KCNT2: variants seen among roughly 807,000 people sequenced by gnomAD.
The protein encoded by KCNT2 is potassium sodium-activated channel subfamily T member 2.
A neutral mutation model predicts 153.8 loss-of-function variants in KCNT2; 67 were observed. The ratio of observed to expected loss-of-function variants is 0.44; its 90% CI spans 0.36 to 0.53. The LOEUF (loss-of-function observed/expected upper bound fraction) is 0.53. Ranked by LOEUF, KCNT2 falls within the 20% of genes least tolerant of loss-of-function variation. KCNT2 has a pLI of 0.00. For synonymous variants in KCNT2, 500 were observed against 458.8 expected (o/e 1.09, Z -1.15); for missense variants, 975 against 1,354.8 (o/e 0.72, Z 4.40).
intron 1 of KCNT2, among the ~76,000 whole-genome samples, chr1:196,557,875 C>T (rs913043403): frequency 1.3e-5 from 2 of 151,276 alleles, no homozygotes; most frequent in African/African-American, 4.8e-5. Context: ...TAAGGTGCGT[C>T]TTTTGTTCCA....
At chr1:196,541,060 C>T (rs958429152) in intron 1 of KCNT2, among the ~76,000 whole-genome samples, 7 of 150,750 alleles carry the variant, frequency 4.6e-5, no homozygotes, top group South Asian at 2.1e-4. Context: ...AGCGAGAGTC[C>T]GTCTCAAAAT....
At chr1:196,315,436 G>C (rs911715902) in intron 21 of KCNT2, among the ~76,000 whole-genome samples, 1 of 151,524 alleles carries the variant, frequency 6.6e-6, no homozygotes, top group Admixed American at 6.6e-5. Flanking sequence ...ATTAATAAAA[G>C]ACAGGAAAAC....
At chr1:196,245,466 T>C (rs531102862) in intron 26 of KCNT2, among the ~76,000 whole-genome samples, 1 of 152,162 alleles carries the variant, frequency 6.6e-6, no homozygotes, top group South Asian at 2.1e-4. Flanking sequence ...CAGACACTGA[T>C]GAACATCCAG....
At chr1:196,599,861 T>C (rs1424984082) in intron 1 of KCNT2, among the ~76,000 whole-genome samples, 2 of 152,202 alleles carry the variant, frequency 1.3e-5, no homozygotes, top group Non-Finnish European at 2.9e-5. Context: ...TCCAAGAGCA[T>C]ATTTTTCTTT....
At chr1:196,422,864 C>T (rs998191178) in intron 12 of KCNT2, among the ~76,000 whole-genome samples, 186 bp downstream of exon 12, 6 of 151,938 alleles carry the variant, frequency 3.9e-5, no homozygotes, top group Non-Finnish European at 7.4e-5. Flanking sequence ...TTGAAAAACA[C>T]TTTTGTTAAT....
intron 14 of KCNT2, among the ~76,000 whole-genome samples, chr1:196,347,444 C>G (rs1490641094): frequency 6.6e-6 from 1 of 152,108 alleles, no homozygotes; most frequent in Non-Finnish European, 1.5e-5. Flanking sequence ...TTGTACTCAC[C>G]TATTTGTTTA....
chr1:196,547,067 G>A (rs981322247), intron 1 of KCNT2, among the ~76,000 whole-genome samples: 3 of 151,944 alleles, frequency 2.0e-5, no homozygotes, highest in African/African-American at 7.2e-5. Flanking sequence ...ATATACCCAT[G>A]GGATTTAGCC....
chr1:196,415,092 G>T (rs769926814), intron 12 of KCNT2, among the ~76,000 whole-genome samples: 1 of 151,896 alleles, frequency 6.6e-6, no homozygotes, highest in Non-Finnish European at 1.5e-5. Context: ...CTTACTTGGG[G>T]AGAGGCAACT....
intron 8 of KCNT2, among the ~76,000 whole-genome samples, chr1:196,431,326 T>C (rs917820623): frequency 2.0e-5 from 3 of 151,962 alleles, no homozygotes; most frequent in African/African-American, 7.2e-5. Flanking sequence ...AATTGGGTAA[T>C]GGGTAGAGGT....
Position 196,333,886 on chromosome 1 carries a change from T to C in KCNT2, c.1958A>G (p.Asp653Gly). ...CATTTCTTCATCTGGTGTAGTTTCA[T>C]CTTCTGATTGGTCACTTAGAAGATC... ...TCDLLSDQSE[D>G]ETTPDEEMSS... The change falls in exon 17 of 28, where the codon GAT becomes GGT. Residue 653 changes from aspartate to glycine, a missense_variant. By Grantham distance (94) the Asp-to-Gly change is moderately conservative. Transcript: ENST00000294725. 1 of 1,612,664 alleles carries C rather than the reference T, an allele frequency of 6.2e-7. No individual in the cohort carries two copies. Among genetic ancestry groups the C allele is most frequent in the Non-Finnish European group, 8.5e-7 (1 of 1,179,076 alleles).
chr1:196,466,449 G>T (rs1020972457), intron 7 of KCNT2, among the ~76,000 whole-genome samples: 1 of 151,814 alleles, frequency 6.6e-6, no homozygotes, highest in African/African-American at 2.4e-5. Context: ...ATACTAAAAC[G>T]TTATCCAAAT....
At chr1:196,398,363 A>C (rs1344584742) in intron 13 of KCNT2, among the ~76,000 whole-genome samples, 200 bp downstream of exon 13, 1 of 151,592 alleles carries the variant, frequency 6.6e-6, no homozygotes, top group Non-Finnish European at 1.5e-5. Context: ...AAAAAAATTA[A>C]GACTCAAGCA....
chr1:196,279,420 A>AT (rs1658885806), intron 25 of KCNT2, among the ~76,000 whole-genome samples: 1 of 151,420 alleles, frequency 6.6e-6, no homozygotes, highest in Admixed American at 6.6e-5. Flanking sequence ...TCCATTAAAA[A>AT]ATTTTTTTTT....
intron 22 of KCNT2, among the ~76,000 whole-genome samples, chr1:196,298,114 A>G (rs1041924651): frequency 2.6e-5 from 4 of 152,194 alleles, no homozygotes; most frequent in African/African-American, 9.6e-5. Context: ...TCTACCACTG[A>G]CTATAAAAGT....
At chr1:196,352,847 C>G (rs1365778247) in intron 14 of KCNT2, among the ~76,000 whole-genome samples, 1 of 152,022 alleles carries the variant, frequency 6.6e-6, no homozygotes. Flanking sequence ...GCATTTAGTG[C>G]TATAAATTTC....
intron 6 of KCNT2, among the ~76,000 whole-genome samples, chr1:196,468,542 G>T (rs1415259945): frequency 1.3e-5 from 2 of 151,942 alleles, no homozygotes; most frequent in East Asian, 1.9e-4. Flanking sequence ...CAAAATGTTG[G>T]GTGCCTGACT....
chr1:196,496,901 T>A (rs1168556398), intron 1 of KCNT2, among the ~76,000 whole-genome samples: 2 of 152,234 alleles, frequency 1.3e-5, no homozygotes, highest in African/African-American at 4.8e-5. Context: ...ATGGACAGAA[T>A]GTGCAAACTG....
At chr1:196,234,141 C>T (rs1450950797) in intron 27 of KCNT2, among the ~76,000 whole-genome samples, 1 of 151,210 alleles carries the variant, frequency 6.6e-6, no homozygotes. Context: ...ATATTTTATG[C>T]ATGTATCAAA....
At chr1:196,376,332 T>A (rs1668965697) in intron 13 of KCNT2, among the ~76,000 whole-genome samples, 1 of 151,834 alleles carries the variant, frequency 6.6e-6, no homozygotes, top group Non-Finnish European at 1.5e-5. Context: ...ATATAACATA[T>A]CCAAGGAACA....
Sources: gnomAD v4.1 joint callset for allele counts (sites outside exome capture counted in the v4.1 genomes callset) on GRCh38, gnomAD v4.1.1 for gene constraint, MANE v1.5 for transcripts, NCBI Gene and HGNC (gene_info 2026-07-23, HGNC 2026-07-21) for gene names.